PARD3B: variants seen among roughly 807,000 people sequenced by gnomAD.
PARD3B encodes the protein par-3 family cell polarity regulator beta, also known as partitioning defective 3 homolog B.
In PARD3B, 103 loss-of-function variants were observed where a neutral mutation model predicts 130.2. The observed-to-expected ratio is 0.79, with a 90% CI of 0.67 to 0.93. The LOEUF is 0.93. Among genes scored for constraint, PARD3B ranks in the 40% least tolerant of loss-of-function variants. PARD3B has a pLI of 0.00. For missense variants in PARD3B, 1,609 were observed against 1,499.2 expected, an observed-to-expected ratio of 1.07 and a Z score of -1.21; for synonymous variants, 583 against 553.2, an observed-to-expected ratio of 1.05 and a Z score of -0.76.
In PARD3B at chr2:205,122,109, G is replaced by A. The variant is rs977503090; in HGVS notation, c.1165+160G>A. Among the ~76,000 whole-genome samples, 2 of 152,108 alleles carry A rather than the reference G, an allele frequency of 1.3e-5. No individual in the cohort carries two copies. The highest frequency in any genetic ancestry group is 4.8e-5 in the African/African-American group (2 of 41,430). On this transcript the variant is annotated intron_variant, in intron 8 of 22. Transcript: ENST00000406610. This position sits in a 1 kb window ranked among gnomAD's most constrained non-coding sequence, Gnocchi z 4.3. ...TAGGTAACTTAAATTTCTTGAAATT[G>A]TACTTTTTTATTCTTTTCTTCGGAG... is the stretch of plus-strand genomic sequence containing the variant.
chr2:204,918,535 C>A (rs984619958), intron 2 of PARD3B, among the ~76,000 whole-genome samples: 2 of 148,570 alleles, frequency 1.3e-5, no homozygotes, highest in East Asian at 4.0e-4. Context: ...GAGGCTGAGG[C>A]AGGAGAATGG....
chr2:204,987,020 C>T (rs1023328592), intron 3 of PARD3B, among the ~76,000 whole-genome samples: 3 of 152,096 alleles, frequency 2.0e-5, no homozygotes, highest in African/African-American at 7.2e-5. Context: ...TCCCAAGTGT[C>T]TAAGGGACTC....
chr2:204,736,760 A>G (rs1042227902), intron 2 of PARD3B, among the ~76,000 whole-genome samples: 4 of 152,170 alleles, frequency 2.6e-5, no homozygotes, highest in Non-Finnish European at 4.4e-5. Context: ...GTGTCTTTTC[A>G]TAGAATGACT....
intron 1 of PARD3B, among the ~76,000 whole-genome samples, chr2:204,570,516 G>A (rs2031930790): frequency 6.6e-6 from 1 of 152,192 alleles, no homozygotes. Flanking sequence ...TGAGAATATT[G>A]TGGTTTGGGG....
At chr2:205,410,902 C>T (rs1421916943) in intron 19 of PARD3B, among the ~76,000 whole-genome samples, 2 of 152,138 alleles carry the variant, frequency 1.3e-5, no homozygotes, top group African/African-American at 2.4e-5. Context: ...CGTCACCACC[C>T]GGCCTCCACC....
chr2:205,451,883 C>T (rs2048116319), intron 20 of PARD3B, among the ~76,000 whole-genome samples: 3 of 152,090 alleles, frequency 2.0e-5, no homozygotes, highest in Non-Finnish European at 4.4e-5. Context: ...ACTAGAGTCA[C>T]CCTGTTGTGC....
intron 22 of PARD3B, among the ~76,000 whole-genome samples, chr2:205,582,929 G>T (rs1348522465): frequency 6.6e-6 from 1 of 152,148 alleles, no homozygotes; most frequent in African/African-American, 2.4e-5. Context: ...AGGACAGCTC[G>T]GTCATTGAAC....
intron 3 of PARD3B, 54 bp from the exon 4 acceptor site, chr2:205,047,527 A>G: frequency 8.6e-7 from 1 of 1,161,652 alleles, no homozygotes; most frequent in Non-Finnish European, 1.2e-6. Context: ...TGTGTCATGC[A>G]CTCTCTTCAC....
At position 205,460,325 on chromosome 2, in the gene PARD3B, T is replaced by G. The variant is rs1224211052; in HGVS notation, c.3044+19653T>G. ...ATATCAGATAAAGGATGCCCAGAAT[T>G]TGCTCAGATGTGAGTTTCAGGATCT... On this transcript the variant is annotated intron_variant, in intron 20 of 22. Transcript: ENST00000406610. This position sits in a 1 kb window ranked among gnomAD's most constrained non-coding sequence, Gnocchi z 4.9. 6.6e-6 allele frequency among the ~76,000 whole-genome samples: 1 copy of G among 152,000 alleles called. No individual in the cohort carries two copies. The highest frequency in any genetic ancestry group is 1.5e-5 in the Non-Finnish European group (1 of 68,008).
intron 15 of PARD3B, among the ~76,000 whole-genome samples, chr2:205,198,150 C>T (rs918531574): frequency 2.6e-5 from 4 of 152,200 alleles, no homozygotes; most frequent in Non-Finnish European, 5.9e-5. Flanking sequence ...TGCTGTTTCT[C>T]ACAAGATACT....
At chr2:204,690,308 T>C (rs1285943281) in intron 2 of PARD3B, among the ~76,000 whole-genome samples, 1 of 152,170 alleles carries the variant, frequency 6.6e-6, no homozygotes, top group African/African-American at 2.4e-5. Context: ...GGCAGAGTAA[T>C]GGCGCCTCAA....
intron 4 of PARD3B, among the ~76,000 whole-genome samples, chr2:205,069,810 A>T (rs1414323786): frequency 1.3e-5 from 2 of 152,044 alleles, no homozygotes; most frequent in Non-Finnish European, 2.9e-5. Flanking sequence ...CGTCCCAAAG[A>T]TTTCCAGGTG....
At chr2:205,051,624 A>G (rs1699197529) in intron 4 of PARD3B, among the ~76,000 whole-genome samples, 1 of 152,200 alleles carries the variant, frequency 6.6e-6, no homozygotes, top group African/African-American at 2.4e-5. Context: ...GTTTTCATTG[A>G]TGCCCAGAGA....
rs114506088 is a variant in PARD3B, at chr2:205,269,438, G to C, written c.2185+23616G>C. On this transcript the variant is annotated intron_variant, in intron 16 of 22. Coordinates refer to ENST00000406610, the MANE Select transcript of PARD3B (RefSeq NM_001302769.2). The surrounding 1 kb of genome is among the most constrained non-coding windows in gnomAD (Gnocchi z 4.7). ...GGAGGCTTTTTCAGGTAATGTCTTA[G>C]GAGTAAGGAGAGAGAAAGCAAAGTT... is the stretch of plus-strand genomic sequence containing the variant. Among the ~76,000 whole-genome samples, 74 of 152,236 alleles carry C rather than the reference G, an allele frequency of 4.9e-4. No individual in the cohort carries two copies. Among genetic ancestry groups the C allele is most frequent in the African/African-American group, 1.7e-3 (71 of 41,548 alleles).
intron 18 of PARD3B, among the ~76,000 whole-genome samples, chr2:205,354,031 T>C (rs2044094326): frequency 1.8e-5 from 2 of 112,512 alleles, no homozygotes; most frequent in South Asian, 3.2e-4. Context: ...TTTTCCTTTT[T>C]TTTTTTTTTT....
intron 2 of PARD3B, among the ~76,000 whole-genome samples, chr2:204,889,505 A>T (rs891002313): frequency 3.9e-5 from 6 of 152,182 alleles, no homozygotes; most frequent in Non-Finnish European, 8.8e-5. Flanking sequence ...ACAGAACAAT[A>T]AACCAAACAA....
chr2:204,920,414 A>G (rs2125748922), intron 2 of PARD3B, among the ~76,000 whole-genome samples: 1 of 152,264 alleles, frequency 6.6e-6, no homozygotes, highest in South Asian at 2.1e-4. Context: ...TTTTGTCTAA[A>G]CACCTTTTGG....
rs2040459469 is a variant in PARD3B, at chr2:205,265,227, G to T, written c.2185+19405G>T. The stretch of plus-strand genomic sequence containing the variant: ...GTAAGATATATTTACAAGAGACTTA[G>T]ACAAAGCAAGGTCTTCCAAGAATAA... On this transcript the variant is annotated intron_variant, in intron 16 of 22. Coordinates refer to ENST00000406610, the MANE Select transcript of PARD3B (RefSeq NM_001302769.2). This position sits in a 1 kb window ranked among gnomAD's most constrained non-coding sequence, Gnocchi z 4.3. Among the ~76,000 whole-genome samples the T allele has an allele frequency of 6.6e-6, 1 of 151,980 alleles. No individual in the cohort carries two copies. Among genetic ancestry groups the T allele is most frequent in the Non-Finnish European group, 1.5e-5 (1 of 67,916 alleles).
chr2:205,159,587 C>T (rs774360411), intron 11 of PARD3B, among the ~76,000 whole-genome samples: 2 of 152,208 alleles, frequency 1.3e-5, no homozygotes, highest in South Asian at 4.1e-4. Flanking sequence ...CCCATTTCCT[C>T]ACCGGTAGAA....
Sources: allele counts gnomAD v4.1 joint callset (sites outside exome capture counted in the v4.1 genomes callset), GRCh38; gene constraint gnomAD v4.1.1; non-coding constraint Gnocchi (gnomAD v3.1); transcripts MANE v1.5; gene names NCBI Gene and HGNC (gene_info 2026-07-23, HGNC 2026-07-21).